SLIT3: variants seen among roughly 807,000 people sequenced by gnomAD.
The protein encoded by SLIT3 is slit guidance ligand 3.
SLIT3 carries 68 observed loss-of-function variants against 184.0 expected under a neutral mutation model. The ratio of observed to expected loss-of-function variants is 0.37; its 90% confidence interval spans 0.30 to 0.45. The LOEUF (loss-of-function observed/expected upper bound fraction) is 0.45. Among genes scored for constraint, SLIT3 ranks in the 20% least tolerant of loss-of-function variants. The pLI, the probability that SLIT3 is intolerant of heterozygous loss-of-function variation, is 1.00. For missense variants in SLIT3, 1,707 were observed against 2,026.0 expected (o/e 0.84, Z 3.02); for synonymous variants, 831 against 828.6 (o/e 1.00, Z -0.05).
intron 4 of SLIT3, among the ~76,000 whole-genome samples, chr5:169,005,521 T>C (rs1260709834): frequency 6.6e-6 from 1 of 152,204 alleles, no homozygotes; most frequent in Non-Finnish European, 1.5e-5. Flanking sequence ...CCTGATGACC[T>C]GGGCCAAGGT....
At chr5:169,094,393 CCAAGGCGGG>C (rs1759703440) in intron 4 of SLIT3, among the ~76,000 whole-genome samples, 1 of 152,200 alleles carries the variant, frequency 6.6e-6, no homozygotes. Flanking sequence ...CTTTGGGAGG[CCAAGGCGGG>C]TGGATCACCT....
intron 34 of SLIT3, 77 bp downstream of exon 34, chr5:168,671,120 GC>G (rs1353284978): frequency 6.8e-7 from 1 of 1,481,048 alleles, no homozygotes; most frequent in Non-Finnish European, 9.2e-7. Context: ...CTCCAGTAGT[GC>G]CTATTTCTCA....
chr5:168,909,870 A>G (rs1761197970), intron 4 of SLIT3, among the ~76,000 whole-genome samples: 1 of 152,172 alleles, frequency 6.6e-6, no homozygotes, highest in African/African-American at 2.4e-5. Flanking sequence ...ACTTGGCTCT[A>G]CTTTTCAGGT....
intron 10 of SLIT3, chr5:168,790,298 A>G (rs1756318869): frequency 6.6e-6 from 1 of 152,258 alleles, no homozygotes; most frequent in Non-Finnish European, 1.5e-5. Flanking sequence ...CCAGGGCATA[A>G]GAATGTCCCA....
chr5:168,795,610 C>A, intron 9 of SLIT3, 32 bp from the exon 10 acceptor site: 1 of 1,566,936 alleles, frequency 6.4e-7, no homozygotes, highest in African/African-American at 1.4e-5. Context: ...AGTGAATTAA[C>A]CATCCACCTG....
In SLIT3 at chr5:169,239,493, T is replaced by C. The variant is rs77057424; in HGVS notation, c.341+5212A>G. Among the ~76,000 whole-genome samples, 1,327 of 152,260 alleles carry C rather than the reference T, an allele frequency of 8.7e-3. 34 individuals carry two copies. The South Asian group carries it at 0.11, about 13-fold the overall frequency. The stretch of plus-strand genomic sequence containing the variant: ...TGTTTTAAATATTTAATTTCTCTAA[T>C]TGATATAAGACAGATTTTCTATTCC... On this transcript the variant is annotated intron_variant, in intron 3 of 35. Transcript: ENST00000519560.
intron 4 of SLIT3, among the ~76,000 whole-genome samples, chr5:168,898,029 T>G (rs1027838529): frequency 6.6e-6 from 1 of 152,190 alleles, no homozygotes; most frequent in African/African-American, 2.4e-5. Flanking sequence ...GAGACAAGGT[T>G]TTGGCAGAGA....
chr5:169,193,357 A>G (rs1763621228), intron 4 of SLIT3, 122 bp downstream of exon 4: 2 of 792,892 alleles, frequency 2.5e-6, no homozygotes, highest in South Asian at 2.8e-5. Context: ...CCCTGCTCCA[A>G]GTCTCTATGT....
chr5:168,863,414 G>T (rs1759183606), intron 5 of SLIT3, among the ~76,000 whole-genome samples: 1 of 152,204 alleles, frequency 6.6e-6, no homozygotes, highest in African/African-American at 2.4e-5. Flanking sequence ...TCATGGGGTT[G>T]GCTGCTGGTG....
At chr5:168,825,476 T>G (rs536798468) in intron 6 of SLIT3, among the ~76,000 whole-genome samples, 1 of 149,634 alleles carries the variant, frequency 6.7e-6, no homozygotes, top group African/African-American at 2.4e-5. Context: ...CCATATTTAC[T>G]GTGCACCTAC....
chr5:168,800,785 T>C (rs1205866242), intron 9 of SLIT3, among the ~76,000 whole-genome samples: 1 of 152,242 alleles, frequency 6.6e-6, no homozygotes. Flanking sequence ...TTGCTTTGCT[T>C]ATTCTGTGCA....
At chr5:168,912,889 C>T (rs952127754) in intron 4 of SLIT3, among the ~76,000 whole-genome samples, 1 of 152,136 alleles carries the variant, frequency 6.6e-6, no homozygotes, top group Non-Finnish European at 1.5e-5. Context: ...CACTGCTCTC[C>T]CTCCCCTTTG....
chr5:168,749,683 C>T (rs111291119), intron 18 of SLIT3, 48 bp from the exon 19 acceptor site: 219 of 1,604,966 alleles, frequency 1.4e-4, no homozygotes, highest in South Asian at 3.6e-4. Flanking sequence ...ACTGTGGGAG[C>T]GGCCCTGGGA....
intron 4 of SLIT3, among the ~76,000 whole-genome samples, chr5:168,911,247 C>T (rs111509578): frequency 0.027 from 4,089 of 152,138 alleles, 78 homozygotes; most frequent in Middle Eastern, 0.061. Context: ...TGTTAAACTC[C>T]CGTGCACACA....
At chr5:169,175,264 TAC>T (rs1252731115) in intron 4 of SLIT3, among the ~76,000 whole-genome samples, 3 of 152,236 alleles carry the variant, frequency 2.0e-5, no homozygotes, top group Non-Finnish European at 2.9e-5. Context: ...TATATCCATT[TAC>T]ACAGTGAATA....
At chr5:169,194,499 A>AT (rs932486731) in intron 3 of SLIT3, among the ~76,000 whole-genome samples, 1 of 151,514 alleles carries the variant, frequency 6.6e-6, no homozygotes. Flanking sequence ...TCTACATCAA[A>AT]TTTTTTTTTA....
At chr5:169,226,861 A>G (rs74503414) in intron 3 of SLIT3, among the ~76,000 whole-genome samples, 7,127 of 152,254 alleles carry the variant, frequency 0.047, 190 homozygotes, top group Admixed American at 0.052. Flanking sequence ...ACGTTTTACA[A>G]TGTGGGACAC....
At chr5:169,086,085 A>G (rs1759284367) in intron 4 of SLIT3, among the ~76,000 whole-genome samples, 1 of 152,204 alleles carries the variant, frequency 6.6e-6, no homozygotes, top group South Asian at 2.1e-4. Flanking sequence ...CTTTCCTCAC[A>G]GCCCCAACGT....
intron 4 of SLIT3, among the ~76,000 whole-genome samples, chr5:168,912,450 T>A (rs1045806557): frequency 6.6e-6 from 1 of 152,044 alleles, no homozygotes; most frequent in Non-Finnish European, 1.5e-5. Flanking sequence ...TTTTTCACCT[T>A]CTCCCAACTT....
Sources: allele counts gnomAD v4.1 joint callset (sites outside exome capture counted in the v4.1 genomes callset), GRCh38; gene constraint gnomAD v4.1.1; transcripts MANE v1.5; gene names NCBI Gene and HGNC (gene_info 2026-07-23, HGNC 2026-07-21).